The following CFAP20DC variants were observed in gnomAD, a reference collection of about 807,000 sequenced individuals.
The protein encoded by CFAP20DC is CFAP20 domain containing, also known as protein CFAP20DC.
A neutral mutation model predicts 101.7 loss-of-function variants in CFAP20DC; 84 were observed. The observed-to-expected ratio is 0.83, with a 90% CI of 0.69 to 0.99. The LOEUF is 0.99. Ranked by LOEUF, CFAP20DC falls within the 50% of genes least tolerant of loss-of-function variation. The pLI, the probability that CFAP20DC is intolerant of heterozygous loss-of-function variation, is 0.00. For synonymous variants in CFAP20DC, 359 were observed against 351.2 expected (o/e 1.02, Z -0.25); for missense variants, 1,007 against 970.3 (o/e 1.04, Z -0.50).
At chr3:58,928,361 A>G (rs138793438) in intron 5 of CFAP20DC, among the ~76,000 whole-genome samples, 9 of 152,338 alleles carry the variant, frequency 5.9e-5, no homozygotes, top group African/African-American at 2.2e-4. Context: ...AGTAGCATCT[A>G]TAGATCAGAC....
intron 5 of CFAP20DC, among the ~76,000 whole-genome samples, chr3:58,923,063 C>A (rs968418818): frequency 6.6e-6 from 1 of 152,112 alleles, no homozygotes; most frequent in African/African-American, 2.4e-5. Flanking sequence ...TGTGCCACCA[C>A]ACCTGGCTAA....
chr3:58,816,298 C>T (rs1575737263), intron 14 of CFAP20DC, among the ~76,000 whole-genome samples: 2 of 152,190 alleles, frequency 1.3e-5, no homozygotes, highest in Middle Eastern at 3.4e-3. Context: ...CCAAGATGGC[C>T]GAATAGGAAC....
chr3:58,748,013 T>G (rs1325220552), intron 16 of CFAP20DC, among the ~76,000 whole-genome samples: 1 of 152,220 alleles, frequency 6.6e-6, no homozygotes, highest in Non-Finnish European at 1.5e-5. Context: ...TTACCCCTTT[T>G]GTAAAAACTG....
intron 14 of CFAP20DC, among the ~76,000 whole-genome samples, chr3:58,812,527 G>A (rs1390880611): frequency 6.6e-6 from 1 of 151,596 alleles, no homozygotes; most frequent in Non-Finnish European, 1.5e-5. Context: ...GACACAGGAA[G>A]GGGAACATCA....
At chr3:58,760,458 T>C (rs2069448508) in intron 15 of CFAP20DC, among the ~76,000 whole-genome samples, 1 of 152,208 alleles carries the variant, frequency 6.6e-6, no homozygotes, top group Non-Finnish European at 1.5e-5. Flanking sequence ...GTTTTCTAGA[T>C]ATACAATCAT....
chr3:59,039,567 T>G lies in CFAP20DC; in HGVS notation c.268A>C (p.Thr90Pro). The G allele has an allele frequency of 6.6e-7, 1 of 1,520,496 alleles. No homozygotes were observed. Among genetic ancestry groups the G allele is most frequent in the African/African-American group, 1.4e-5 (1 of 72,544 alleles). The allele number at this position is 1,520,496 out of a possible 1,614,324, so 94.2% of individuals were successfully genotyped here. A position where few individuals can be genotyped will look rare whatever the true frequency, so the allele number is the denominator to read the frequency against. ...TTCTGTATATCTTACAGCAATTCAGTGGAGAAGTCTTGTCCCAGGGGTACG... is the reference window on the plus strand; with the variant it reads ...TTCTGTATATCTTACAGCAATTCAGGGGAGAAGTCTTGTCCCAGGGGTACG... ...IYVPLGQDFS[T>P]ELLITDLGNI... is the part of the protein sequence containing the mutation. Residue 90 changes from threonine to proline, a missense_variant, in exon 4 of 17, where the codon ACT becomes CCT. Thr to Pro is a conservative substitution (Grantham distance 38). Transcript: ENST00000482387.
rs906729630 is a variant in CFAP20DC at position 58,965,450 on chromosome 3, T to A, written c.279-27688A>T. Among the ~76,000 whole-genome samples, 4 of 152,142 alleles carry A rather than the reference T, an allele frequency of 2.6e-5. No individual in the cohort carries two copies. The East Asian group carries it at 7.7e-4, about 29-fold the overall frequency. ...AACAGTATTATACCTCAATAAATCT[T>A]TTTTTTAAATTGTTCAAAGTTCAGG... On this transcript the variant is annotated intron_variant, in intron 4 of 16. Coordinates refer to ENST00000482387, the MANE Select transcript of CFAP20DC (RefSeq NM_001394063.1).
intron 13 of CFAP20DC, among the ~76,000 whole-genome samples, chr3:58,842,942 A>T (rs1281327505): frequency 3.9e-5 from 6 of 152,356 alleles, no homozygotes; most frequent in Non-Finnish European, 8.8e-5. Flanking sequence ...ACAGACCTGC[A>T]GCTGAGGGTC....
intron 4 of CFAP20DC, among the ~76,000 whole-genome samples, chr3:58,986,307 G>A (rs969560451): frequency 6.6e-6 from 1 of 152,142 alleles, no homozygotes; most frequent in African/African-American, 2.4e-5. Context: ...ATGTATACAG[G>A]AACCAGAGGG....
At chr3:58,810,319 A>T (rs1328896014) in intron 14 of CFAP20DC, among the ~76,000 whole-genome samples, 1 of 152,142 alleles carries the variant, frequency 6.6e-6, no homozygotes, top group Non-Finnish European at 1.5e-5. Context: ...ATACTGGCAA[A>T]CCAAATCCAG....
chr3:58,907,532 G>T (rs570668299), intron 6 of CFAP20DC, among the ~76,000 whole-genome samples: 38 of 152,244 alleles, frequency 2.5e-4, no homozygotes, highest in African/African-American at 7.9e-4. Context: ...TATTTGATTG[G>T]ATCTCTACAA....
rs879824721 is a variant in CFAP20DC, at chr3:58,799,731, GTC to G, written c.2237+6662_2237+6663del. On this transcript the variant is annotated intron_variant, in intron 15 of 16. Transcript: ENST00000482387. This position sits in a 1 kb window ranked among gnomAD's most constrained non-coding sequence, Gnocchi z 4.9. The stretch of plus-strand genomic sequence containing the variant: ...GCAGTGTGTGTGTGTCTGTGTGTGT[GTC>G]TGTGTGTGTGTGTGTGTGTGTGTGT... Among the ~76,000 whole-genome samples, 1,291 of 128,274 alleles carry G rather than the reference GTC, an allele frequency of 0.01. 12 individuals are homozygous for G. The highest frequency in any genetic ancestry group is 0.021 in the Middle Eastern group (6 of 280). 84.2% of individuals were successfully genotyped at this position (128,274 alleles called of 152,430 possible).
chr3:58,759,858 T>C (rs578183463), intron 15 of CFAP20DC, among the ~76,000 whole-genome samples: 2 of 152,322 alleles, frequency 1.3e-5, no homozygotes, highest in African/African-American at 4.8e-5. Flanking sequence ...TATGCGGCAT[T>C]ATTTCTGAGG....
At position 58,812,579 on chromosome 3, in the gene CFAP20DC, T is replaced by A. The variant is rs2074749021; in HGVS notation, c.2176-6123A>T. Among the ~76,000 whole-genome samples the A allele has an allele frequency of 1.2e-4, 18 of 151,748 alleles. 1 individual carries two copies. In the South Asian group the frequency reaches 3.7e-3, roughly 32 times the overall value. ...GTGGGGTGGGGGGAGCGGGGAGGGA[T>A]AGCATTAGGAGATATAACTAATGCT... On this transcript the variant is annotated intron_variant, in intron 14 of 16. Coordinates refer to ENST00000482387, the MANE Select transcript of CFAP20DC (RefSeq NM_001394063.1).
At chr3:58,791,536 T>A (rs150634089) in intron 15 of CFAP20DC, among the ~76,000 whole-genome samples, 1 of 152,162 alleles carries the variant, frequency 6.6e-6, no homozygotes, top group Non-Finnish European at 1.5e-5. Flanking sequence ...GTGAATAGTT[T>A]AACCAATTTT....
In CFAP20DC at chr3:58,861,853, G is replaced by C; in HGVS notation, c.1593+1705C>G. 1.0e-6 allele frequency: 1 copy of C among 985,464 alleles called. No homozygotes were observed. Among genetic ancestry groups the C allele is most frequent in the Non-Finnish European group, 1.2e-6 (1 of 829,924 alleles). The allele number at this position is 985,464 out of a possible 1,614,324, so 61.0% of individuals were successfully genotyped here. ...GGGGTGACCAGATAGCCCTGCCAGT[G>C]AAAGCTTGGGTAATGCATGATAAAT... On this transcript the variant is annotated intron_variant, in intron 12 of 16. Coordinates refer to ENST00000482387, the MANE Select transcript of CFAP20DC (RefSeq NM_001394063.1). The surrounding 1 kb of genome is among the most constrained non-coding windows in gnomAD (Gnocchi z 4.0).
intron 4 of CFAP20DC, among the ~76,000 whole-genome samples, chr3:58,993,435 C>T (rs1422470513): frequency 1.3e-5 from 2 of 151,320 alleles, no homozygotes; most frequent in Non-Finnish European, 2.9e-5. Context: ...TTTTTATTTC[C>T]AACTTTTAAG....
At chr3:58,815,463 C>A (rs1319254964) in intron 14 of CFAP20DC, among the ~76,000 whole-genome samples, 46 of 149,152 alleles carry the variant, frequency 3.1e-4, no homozygotes, top group African/African-American at 8.4e-4. Context: ...GACTTCATGT[C>A]TAAAACACCA....
At chr3:58,808,880 C>A (rs1436231033) in intron 14 of CFAP20DC, among the ~76,000 whole-genome samples, 1 of 152,000 alleles carries the variant, frequency 6.6e-6, no homozygotes, top group Non-Finnish European at 1.5e-5. Flanking sequence ...ATCTACCAAG[C>A]AAACGGAAAA....
Sources: allele counts gnomAD v4.1 joint callset (sites outside exome capture counted in the v4.1 genomes callset), GRCh38; gene constraint gnomAD v4.1.1; non-coding constraint Gnocchi (gnomAD v3.1); transcripts MANE v1.5; gene names NCBI Gene and HGNC (gene_info 2026-07-23, HGNC 2026-07-21).